Variants in SUGCT observed in about 807,000 individuals in gnomAD.
The protein encoded by SUGCT is succinyl-CoA:glutarate-CoA transferase.
SUGCT carries 41 observed loss-of-function variants against 55.0 expected under a neutral mutation model. That is an observed-to-expected ratio of 0.74 (90% CI 0.58 to 0.97). SUGCT has a LOEUF of 0.97. Among genes scored for constraint, SUGCT ranks in the 50% least tolerant of loss-of-function variants. SUGCT has a pLI of 0.00. For synonymous variants in SUGCT, 187 were observed against 200.4 expected, an observed-to-expected ratio of 0.93 and a Z score of 0.56; for missense variants, 568 against 547.8, an observed-to-expected ratio of 1.04 and a Z score of -0.37.
intron 12 of SUGCT, among the ~76,000 whole-genome samples, chr7:40,727,619 G>A (rs1336571857): frequency 2.0e-5 from 3 of 152,152 alleles, no homozygotes; most frequent in Non-Finnish European, 4.4e-5. Flanking sequence ...TTAGAACTGA[G>A]TTTTTCAAAC....
intron 11 of SUGCT, among the ~76,000 whole-genome samples, chr7:40,462,743 G>T (rs546428367): frequency 1.3e-5 from 2 of 152,266 alleles, no homozygotes; most frequent in Non-Finnish European, 1.5e-5. Context: ...ATACAGTCAA[G>T]AATTCCTGCC....
chr7:40,590,973 T>G lies in SUGCT; in HGVS notation c.1089+94587T>G, dbSNP rs983266284. Among the ~76,000 whole-genome samples, 19 of 152,144 alleles carry G rather than the reference T, an allele frequency of 1.2e-4. 1 individual carries two copies. Among genetic ancestry groups the G allele is most frequent in the Admixed American group, 1.2e-3 (19 of 15,274 alleles). On this transcript the variant is annotated intron_variant, in intron 12 of 13. Transcript: ENST00000335693. ...GTACCTCATTACCCAAGAGCGCTGA[T>G]GGAGATGTGTAGGGAAATTAATATT...
At chr7:40,908,226 A>G in the SUGCT span, among the ~76,000 whole-genome samples, 8 of 151,924 alleles carry the variant, frequency 5.3e-5, no homozygotes, top group East Asian at 1.5e-3. Flanking sequence ...AAAAAAAAAT[A>G]CAAAAAATTA....
intron 6 of SUGCT, among the ~76,000 whole-genome samples, chr7:40,204,973 GC>G (rs1375251621): frequency 6.6e-6 from 1 of 151,044 alleles, no homozygotes; most frequent in Non-Finnish European, 1.5e-5. Flanking sequence ...AAAGAGAAGG[GC>G]CCGGTGCAAT....
chr7:40,549,890 G>A lies in SUGCT; in HGVS notation c.1089+53504G>A, dbSNP rs988147081. ...CAGATTCTGAGGAATATACAGTGCT[G>A]TCCTAGAACAATTGAGAATTCATTT... is the stretch of plus-strand genomic sequence containing the variant. On this transcript the variant is annotated intron_variant, in intron 12 of 13. Transcript: ENST00000335693. Among the ~76,000 whole-genome samples, 3 of 152,304 alleles carry A rather than the reference G, an allele frequency of 2.0e-5. No homozygotes were observed. The South Asian group carries it at 6.2e-4, about 32-fold the overall frequency.
intron 9 of SUGCT, among the ~76,000 whole-genome samples, chr7:40,348,838 T>G (rs544462820): frequency 6.6e-6 from 1 of 152,288 alleles, no homozygotes; most frequent in East Asian, 1.9e-4. Flanking sequence ...TAATTTCTTT[T>G]GACTTCTCAG....
chr7:40,209,152 T>A (rs1348875847), intron 6 of SUGCT, among the ~76,000 whole-genome samples: 1 of 152,150 alleles, frequency 6.6e-6, no homozygotes, highest in Non-Finnish European at 1.5e-5. Flanking sequence ...TCTAATAGAA[T>A]GAATAGTTAT....
At chr7:40,402,787 C>T (rs1473590854) in intron 9 of SUGCT, among the ~76,000 whole-genome samples, 1 of 152,140 alleles carries the variant, frequency 6.6e-6, no homozygotes, top group Non-Finnish European at 1.5e-5. Context: ...GGGTAGGATT[C>T]ATCCTTTTTA....
chr7:40,318,782 G>T (rs1392314003), intron 9 of SUGCT, among the ~76,000 whole-genome samples: 2 of 152,196 alleles, frequency 1.3e-5, no homozygotes, highest in African/African-American at 4.8e-5. Flanking sequence ...TCCTGAGTTG[G>T]AAGATTCTCT....
chr7:40,818,110 T>G (rs1418663519), intron 13 of SUGCT, among the ~76,000 whole-genome samples: 1 of 152,220 alleles, frequency 6.6e-6, no homozygotes, highest in Non-Finnish European at 1.5e-5. Context: ...AAGAATGGAC[T>G]GCAGTTCAGA....
In SUGCT at chr7:40,652,830, C is replaced by A. The variant is rs112684119; in HGVS notation, c.1090-96604C>A. The stretch of plus-strand genomic sequence containing the variant: ...TAAAGGGCATAGATCATGTCCCCTC[C>A]ATCTTAAAGCACCTTAATGACCTTC... On this transcript the variant is annotated intron_variant, in intron 12 of 13. Transcript: ENST00000335693. 8.3e-3 allele frequency among the ~76,000 whole-genome samples: 1,269 copies of A among 152,270 alleles called. 21 individuals carry two copies. Among genetic ancestry groups the A allele is most frequent in the African/African-American group, 0.028 (1,176 of 41,530 alleles).
chr7:40,550,418 T>G (rs1795237840), intron 12 of SUGCT, among the ~76,000 whole-genome samples: 1 of 152,230 alleles, frequency 6.6e-6, no homozygotes, highest in African/African-American at 2.4e-5. Flanking sequence ...TTGCGTTTGC[T>G]TTCTGACACC....
intron 12 of SUGCT, among the ~76,000 whole-genome samples, chr7:40,705,891 T>C (rs1409955222): frequency 1.3e-5 from 2 of 152,162 alleles, no homozygotes; most frequent in Non-Finnish European, 2.9e-5. Flanking sequence ...GGGCATGAGT[T>C]CAGAGCCATA....
chr7:40,889,460 G>A, the SUGCT span, among the ~76,000 whole-genome samples: 3 of 152,228 alleles, frequency 2.0e-5, no homozygotes, highest in African/African-American at 4.8e-5. Context: ...CCCAAGCACC[G>A]AAATGCCATC....
intron 3 of SUGCT, among the ~76,000 whole-genome samples, chr7:40,182,544 A>G (rs976062090): frequency 6.7e-6 from 1 of 150,320 alleles, no homozygotes; most frequent in African/African-American, 2.5e-5. Context: ...CCTAGGCAAC[A>G]GAGCAAGACT....
intron 12 of SUGCT, among the ~76,000 whole-genome samples, chr7:40,577,964 A>G (rs1796859344): frequency 6.6e-6 from 1 of 152,242 alleles, no homozygotes; most frequent in Admixed American, 6.5e-5. Flanking sequence ...TTATCAACAT[A>G]TATTTCCTGA....
At chr7:40,631,877 T>G (rs1562913596) in intron 12 of SUGCT, among the ~76,000 whole-genome samples, 3 of 152,200 alleles carry the variant, frequency 2.0e-5, no homozygotes, top group Admixed American at 2.0e-4. Flanking sequence ...AAATAGAGAT[T>G]TACCTCATTG....
intron 9 of SUGCT, among the ~76,000 whole-genome samples, chr7:40,323,762 A>G (rs1418538579): frequency 6.6e-6 from 1 of 152,148 alleles, no homozygotes; most frequent in Non-Finnish European, 1.5e-5. Flanking sequence ...GTGCGGATAG[A>G]CTTAATAGTT....
chr7:40,373,524 A>G (rs547984410), intron 9 of SUGCT, among the ~76,000 whole-genome samples: 8 of 152,052 alleles, frequency 5.3e-5, no homozygotes, highest in African/African-American at 1.7e-4. Flanking sequence ...AGTATTTTCA[A>G]TCTGAGAGTA....
Sources: gnomAD v4.1 joint callset for allele counts (sites outside exome capture counted in the v4.1 genomes callset) on GRCh38, gnomAD v4.1.1 for gene constraint, MANE v1.5 for transcripts, NCBI Gene and HGNC (gene_info 2026-07-23, HGNC 2026-07-21) for gene names.